The following ARX variants were observed in gnomAD, a reference collection of about 807,000 sequenced individuals.
ARX encodes the protein homeobox protein ARX.
ARX carries 1 observed loss-of-function variant against 23.1 expected under a neutral mutation model. The ratio of observed to expected loss-of-function variants is 0.04; its 90% CI spans 0.02 to 0.21. The LOEUF is 0.21. ARX is among the 10% of genes least tolerant of loss of function. ARX has a pLI of 1.00. For missense variants in ARX, 380 were observed against 527.5 expected (o/e 0.72, Z 2.74); for synonymous variants, 301 against 270.1 (o/e 1.11, Z -1.12).
Position 25,004,861 on chromosome X carries a change from G to A in ARX, c.1498C>T (p.Leu500Phe). ...ACGGCGGGTGTGGGCTGTCTCAGGAGCGCGGCCGCGGTCGACGCGCTGGTC... is the reference window on the plus strand; with the variant it reads ...ACGGCGGGTGTGGGCTGTCTCAGGAACGCGGCCGCGGTCGACGCGCTGGTC... Reference protein sequence around the residue: ...PLTSASTAAALLRQPTPAVEG... With the variant: ...PLTSASTAAAFLRQPTPAVEG... The change falls in exon 5 of 5, where the codon CTC becomes TTC. Residue 500 changes from leucine (L) to phenylalanine (F), a missense_variant. By Grantham distance (22) the Leu-to-Phe change is conservative (BLOSUM62 0). This residue lies in a region of ARX where 121 missense variants were observed against 169.7 expected (regional missense o/e 0.71). Coordinates refer to ENST00000379044, the MANE Select transcript of ARX (RefSeq NM_139058.3). 1 of 1,150,925 alleles carries A rather than the reference G, an allele frequency of 8.7e-7. No homozygotes were observed. The allele number at this position is 1,150,925 out of a possible 1,213,427, so 94.8% of individuals were successfully genotyped here. A position where few individuals can be genotyped will look rare whatever the true frequency, so the allele number is the denominator to read the frequency against.
At chrX:25,013,836 CG>C (rs1266519133) in intron 1 of ARX, 38 bp from the exon 2 acceptor site, 2 of 903,905 alleles carry the variant, frequency 2.2e-6, no homozygotes, top group Non-Finnish European at 2.7e-6. Context: ...GCCGGCCGGC[CG>C]GGGAGTCCCA....
intron 3 of ARX, 91 bp downstream of exon 3, chrX:25,010,169 C>T: frequency 1.1e-6 from 1 of 892,610 alleles, no homozygotes; most frequent in Admixed American, 2.5e-5. Flanking sequence ...GGGATCTCAC[C>T]CCCCGCACCC....
Position 25,013,257 on chromosome X carries a change from G to C in ARX, c.738C>G (p.Asp246Glu), listed in dbSNP as rs750465338. Reference sequence around the variant, plus strand: ...CGTCCTCCAGCAGCTCCTCCTCGTCGTCCTCCAGCAGTTCCTCTTCCTCGT... The same window carrying C: ...CGTCCTCCAGCAGCTCCTCCTCGTCCTCCTCCAGCAGTTCCTCTTCCTCGT... ...DEDEEEELLE[D>E]DEEELLEDDA... is the part of the protein sequence containing the mutation. Residue 246 changes from aspartate (D) to glutamate (E), a missense_variant, in exon 2 of 5, where the codon GAC (aspartate) becomes GAG (glutamate). Transcript: ENST00000379044. The C allele has an allele frequency of 1.7e-6, 2 of 1,154,439 alleles. No homozygotes were observed. The highest frequency in any genetic ancestry group is 1.9e-5 in the South Asian group (1 of 52,689).
rs587783196 is a variant in ARX, at chrX:25,013,689, C to A, written c.306G>T (p.Ala102=). 10 of 867,828 alleles carry A rather than the reference C, an allele frequency of 1.2e-5. No individual in the cohort carries two copies. The Admixed American group carries it at 2.0e-4, about 18-fold the overall frequency. 71.5% of individuals were successfully genotyped at this position (867,828 alleles called of 1,213,427 possible). ...GGGRLLQGAA[A]AAAAAAAAAA... ...CCGCCGCCGCCGCCGCCGCCGCCGC[C>A]GCTGCCGCACCCTGAAGGAGGCGGC... Residue 102 remains alanine (A), a synonymous_variant, in exon 2 of 5, where the codon GCG becomes GCT. Transcript: ENST00000379044.
chrX:25,005,060 G>T, intron 4 of ARX, 150 bp from the exon 5 acceptor site: 4 of 820,362 alleles, frequency 4.9e-6, no homozygotes, highest in Non-Finnish European at 6.5e-6. Flanking sequence ...GGCAGAGGGC[G>T]CGGGCGGAAG....
intron 2 of ARX, among the ~76,000 whole-genome samples, chrX:25,010,883 T>G (rs1422923547): frequency 2.7e-5 from 3 of 110,223 alleles, no homozygotes; most frequent in African/African-American, 9.9e-5. Context: ...CCCATTACCC[T>G]CTGCAGGTAT....
At chrX:25,015,405 A>AG in intron 1 of ARX, 137 bp downstream of exon 1, 2 of 810,081 alleles carry the variant, frequency 2.5e-6, no homozygotes, top group Non-Finnish European at 3.6e-6. Flanking sequence ...ACGCTCTTTG[A>AG]GGCAGCAGGC....
chrX:25,004,843 G>T lies in ARX; in HGVS notation c.1516C>A (p.Pro506Thr). The change falls in exon 5 of 5, where the codon CCC becomes ACC. Residue 506 changes from proline (P) to threonine (T), a missense_variant. This residue lies in a region of ARX where 121 missense variants were observed against 169.7 expected (regional missense o/e 0.71). Transcript: ENST00000379044. Reference protein sequence around the residue: ...TAAALLRQPTPAVEGAVASGA... With the variant: ...TAAALLRQPTTAVEGAVASGA... ...GATGCCACTGCGCCCTCCACGGCGG[G>T]TGTGGGCTGTCTCAGGAGCGCGGCC... The T allele has an allele frequency of 8.5e-7, 1 of 1,170,050 alleles. No homozygotes were observed. The highest frequency in any genetic ancestry group is 1.8e-5 in the African/African-American group (1 of 56,491).
Position 25,012,945 on chromosome X carries a change from C to A in ARX, c.1050G>T (p.Thr350=). 1 of 1,206,385 alleles carries A rather than the reference C, an allele frequency of 8.3e-7. No homozygotes were observed. The change falls in exon 2 of 5, where the codon ACG becomes ACT. Residue 350 remains threonine (T), a synonymous_variant. Transcript: ENST00000379044. The part of the protein sequence containing the change: ...LEELERAFQK[T]HYPDVFTREE... Reference sequence around the variant, plus strand: ...ACCTGGTGAAGACGTCCGGGTAGTGCGTCTTCTGGAAGGCCCGCTCCAGTT... The same window carrying A: ...ACCTGGTGAAGACGTCCGGGTAGTGAGTCTTCTGGAAGGCCCGCTCCAGTT...
intron 4 of ARX, among the ~76,000 whole-genome samples, chrX:25,005,682 C>A (rs1202567790): frequency 8.9e-6 from 1 of 112,723 alleles, no homozygotes; most frequent in Non-Finnish European, 1.9e-5. Flanking sequence ...CCTCAGGGAG[C>A]CCCCGACCCA....
intron 2 of ARX, among the ~76,000 whole-genome samples, chrX:25,012,680 T>C (rs745873012): frequency 8.9e-6 from 1 of 112,960 alleles, no homozygotes; most frequent in South Asian, 3.6e-4. Flanking sequence ...AACATTAAAC[T>C]GCAACGACCT....
In ARX at chrX:25,007,381, G is replaced by T; in HGVS notation, c.1178C>A (p.Thr393Asn). 1 of 1,156,059 alleles carries T rather than the reference G, an allele frequency of 8.7e-7. No homozygotes were observed. Residue 393 changes from threonine (T) to asparagine (N), a missense_variant, in exon 4 of 5, where the codon ACC becomes AAC. Coordinates refer to ENST00000379044, the MANE Select transcript of ARX (RefSeq NM_139058.3). ...WRKREKAGAQTHPPGLPFPGP... is the reference protein window; with the variant it reads ...WRKREKAGAQNHPPGLPFPGP... ...CGGGAAGGGCAGCCCAGGGGGGTGG[G>T]TCTGCGCGCCTGCCTTCTCCCGCTT...
intron 1 of ARX, among the ~76,000 whole-genome samples, chrX:25,014,474 C>T (rs951339136): frequency 5.3e-5 from 6 of 113,027 alleles, no homozygotes; most frequent in African/African-American, 1.3e-4. Context: ...GAAAGCGGCC[C>T]TGTGGCCCCA....
At chrX:25,005,365 A>T (rs1385388467) in intron 4 of ARX, among the ~76,000 whole-genome samples, 1 of 111,510 alleles carries the variant, frequency 9.0e-6, no homozygotes, top group African/African-American at 3.3e-5. Context: ...AAAAAGACGG[A>T]GAAGGTGGGA....
rs1224926604 is a variant in ARX, at chrX:25,003,921, A to C, written c.*749T>G. 2 of 110,903 alleles carry C rather than the reference A, an allele frequency of 1.8e-5. No individual in the cohort carries two copies. Among genetic ancestry groups the C allele is most frequent in the Non-Finnish European group, 3.8e-5 (2 of 52,956 alleles). 9.1% of individuals were successfully genotyped at this position (110,903 alleles called of 1,213,427 possible). ...ACACAGTAAGAATCTACGGGAGGAC[A>C]AACTTTTACCATACCACGCTGAGTG... is the stretch of plus-strand genomic sequence containing the variant. On this transcript the variant is annotated 3_prime_UTR_variant, in exon 5 of 5. Transcript: ENST00000379044.
chrX:25,005,756 C>T (rs2048675198), intron 4 of ARX, among the ~76,000 whole-genome samples: 1 of 112,731 alleles, frequency 8.9e-6, no homozygotes, highest in Non-Finnish European at 1.9e-5. Context: ...CCACCGCCTC[C>T]AAGCGGCGAC....
chrX:25,015,755 A>G lies in ARX; in HGVS notation c.-18T>C. ...TTGCTCATGGCTGGGGCTTTTTCCC[A>G]GGGCGCAGAGAGCGGATCGCCGGCT... is the stretch of plus-strand genomic sequence containing the variant. On this transcript the variant is annotated 5_prime_UTR_variant, in exon 1 of 5. Coordinates refer to ENST00000379044, the MANE Select transcript of ARX (RefSeq NM_139058.3). 1 of 1,183,117 alleles carries G rather than the reference A, an allele frequency of 8.5e-7. No homozygotes were observed. Among genetic ancestry groups the G allele is most frequent in the Non-Finnish European group, 1.1e-6 (1 of 878,942 alleles).
At position 25,004,424 on chromosome X, in the gene ARX, G is replaced by A. The variant is rs1480396707; in HGVS notation, c.*246C>T. 4 of 425,340 alleles carry A rather than the reference G, an allele frequency of 9.4e-6. No individual in the cohort carries two copies. Among genetic ancestry groups the A allele is most frequent in the African/African-American group, 7.6e-5 (3 of 39,254 alleles). 35.1% of individuals were successfully genotyped at this position (425,340 alleles called of 1,213,427 possible). On this transcript the variant is annotated 3_prime_UTR_variant, in exon 5 of 5. Coordinates refer to ENST00000379044, the MANE Select transcript of ARX (RefSeq NM_139058.3). ...TAAGAACAAGAGAGAGTGGATGTTG[G>A]AGTTGGAGCGAGGTTGGCAGTAGCA...
chrX:25,005,039 G>T, intron 4 of ARX, 129 bp from the exon 5 acceptor site: 6 of 936,969 alleles, frequency 6.4e-6, no homozygotes, highest in Non-Finnish European at 6.9e-6. Context: ...ATGGGCCGCG[G>T]CGGGGAAGTG....
Sources: allele counts gnomAD v4.1 joint callset (sites outside exome capture counted in the v4.1 genomes callset), GRCh38; gene constraint gnomAD v4.1.1; regional missense constraint gnomAD v4.1.1; transcripts MANE v1.5; gene names NCBI Gene and HGNC (gene_info 2026-07-23, HGNC 2026-07-21).